FIP1L1: variants seen among roughly 807,000 people sequenced by gnomAD.
FIP1L1 encodes factor interacting with PAPOLA and CPSF1.
FIP1L1 carries 21 observed loss-of-function variants against 84.6 expected under a neutral mutation model. The ratio of observed to expected loss-of-function variants is 0.25; its 90% CI spans 0.18 to 0.36. The LOEUF (loss-of-function observed/expected upper bound fraction) is 0.36. Ranked by LOEUF, FIP1L1 falls within the 10% of genes least tolerant of loss-of-function variation. FIP1L1 has a pLI of 1.00. For missense variants in FIP1L1, 526 were observed against 751.1 expected (o/e 0.70, Z 3.50); for synonymous variants, 263 against 242.3 (o/e 1.09, Z -0.80).
chr4:53,409,221 C>A (rs1324216579), intron 10 of FIP1L1, among the ~76,000 whole-genome samples: 1 of 152,200 alleles, frequency 6.6e-6, no homozygotes, highest in African/African-American at 2.4e-5. Flanking sequence ...ACAGACAGGA[C>A]CCTCAGCTGC....
intron 15 of FIP1L1, among the ~76,000 whole-genome samples, chr4:53,449,631 A>G (rs527928636): frequency 2.8e-4 from 42 of 152,206 alleles, no homozygotes; most frequent in Non-Finnish European, 5.3e-4. Context: ...TATACCAGCC[A>G]GGTGGGATAA....
intron 10 of FIP1L1, among the ~76,000 whole-genome samples, chr4:53,413,926 C>T (rs1001162693): frequency 6.6e-6 from 1 of 152,028 alleles, no homozygotes; most frequent in African/African-American, 2.4e-5. Context: ...CATTTCGTTT[C>T]TGGTTTGTTT....
intron 10 of FIP1L1, among the ~76,000 whole-genome samples, chr4:53,407,541 C>A (rs1410510723): frequency 6.6e-6 from 1 of 151,610 alleles, no homozygotes; most frequent in Non-Finnish European, 1.5e-5. Context: ...TGGTGCAGAG[C>A]TGAGTTCAAG....
chr4:53,438,217 TTAAG>T (rs1770343308), intron 13 of FIP1L1, among the ~76,000 whole-genome samples: 1 of 152,182 alleles, frequency 6.6e-6, no homozygotes, highest in Admixed American at 6.5e-5. Context: ...CTTTCCTTAT[TTAAG>T]TCTGTTGTCT....
chr4:53,443,891 C>A (rs28459503), intron 14 of FIP1L1, among the ~76,000 whole-genome samples, 157 bp from the exon 15 acceptor site: 84,634 of 151,278 alleles, frequency 0.56, 25,537 homozygotes, highest in Non-Finnish European at 0.67. Flanking sequence ...TTAAAAAAAA[C>A]CCCATGTTTT....
chr4:53,410,303 C>G (rs1756506764), intron 10 of FIP1L1, among the ~76,000 whole-genome samples: 1 of 152,236 alleles, frequency 6.6e-6, no homozygotes. Context: ...TGATTTGCTT[C>G]AAATGCCTAA....
At chr4:53,380,885 A>G (rs1343313978) in intron 3 of FIP1L1, among the ~76,000 whole-genome samples, 4 of 152,218 alleles carry the variant, frequency 2.6e-5, no homozygotes, top group Non-Finnish European at 5.9e-5. Context: ...ACTTTTCTAT[A>G]TGATAATCTT....
At chr4:53,410,025 C>G (rs1756308168) in intron 10 of FIP1L1, among the ~76,000 whole-genome samples, 1 of 152,252 alleles carries the variant, frequency 6.6e-6, no homozygotes, top group African/African-American at 2.4e-5. Flanking sequence ...CTGGCACTCC[C>G]TAGTGAGATG....
chr4:53,425,953 C>T lies in FIP1L1; in HGVS notation c.1005C>T (p.Asn335=). ...RVEGRRRANE[N]SNIQVLSERS... is the part of the protein sequence containing the mutation. ...AAGGCAGGCGACGGGCAAATGAGAA[C>T]AGCAACATACAGGTTTAGTATTTTA... Residue 335 remains asparagine, a synonymous_variant, in exon 12 of 18, where the codon AAC becomes AAT. Coordinates refer to ENST00000337488, the MANE Select transcript of FIP1L1 (RefSeq NM_030917.4). The T allele has an allele frequency of 6.2e-7, 1 of 1,608,744 alleles. No individual in the cohort carries two copies. Among genetic ancestry groups the T allele is most frequent in the Non-Finnish European group, 8.5e-7 (1 of 1,175,896 alleles).
intron 15 of FIP1L1, among the ~76,000 whole-genome samples, chr4:53,445,744 TAGAG>T (rs922269347): frequency 1.5e-4 from 23 of 152,252 alleles, no homozygotes; most frequent in Admixed American, 5.9e-4. Context: ...TCCTTTCTGG[TAGAG>T]AGAGGAGGAA....
intron 5 of FIP1L1, among the ~76,000 whole-genome samples, chr4:53,388,827 G>T (rs184427788): frequency 6.6e-6 from 1 of 152,032 alleles, no homozygotes; most frequent in African/African-American, 2.4e-5. Flanking sequence ...TGTATACAAG[G>T]CTCATTTATA....
At chr4:53,418,272 A>G (rs1158250934) in intron 11 of FIP1L1, among the ~76,000 whole-genome samples, 2 of 150,738 alleles carry the variant, frequency 1.3e-5, no homozygotes, top group Non-Finnish European at 1.5e-5. Flanking sequence ...ATGGAGCCCA[A>G]CCTGGTCTCT....
chr4:53,443,966 C>A, intron 14 of FIP1L1, 82 bp from the exon 15 acceptor site: 1 of 855,696 alleles, frequency 1.2e-6, no homozygotes, highest in Non-Finnish European at 1.8e-6. Flanking sequence ...GTAATTTTGC[C>A]TTGTTTTTCC....
chr4:53,446,160 C>A (rs1448297793), intron 15 of FIP1L1, among the ~76,000 whole-genome samples: 1 of 151,672 alleles, frequency 6.6e-6, no homozygotes, highest in Non-Finnish European at 1.5e-5. Flanking sequence ...TTTATGTTGA[C>A]TTACTTGTTT....
chr4:53,404,022 T>A (rs952853410), intron 10 of FIP1L1, among the ~76,000 whole-genome samples: 34 of 146,928 alleles, frequency 2.3e-4, no homozygotes, highest in African/African-American at 7.8e-4. Flanking sequence ...TTTTTTTTTT[T>A]ATTATACTTT....
At chr4:53,395,572 A>C (rs2149438005) in intron 9 of FIP1L1, among the ~76,000 whole-genome samples, 1 of 152,338 alleles carries the variant, frequency 6.6e-6, no homozygotes, top group African/African-American at 2.4e-5. Flanking sequence ...TTAAATAATC[A>C]TGCTAAAGAT....
intron 16 of FIP1L1, among the ~76,000 whole-genome samples, chr4:53,454,880 C>G (rs1295622316): frequency 6.6e-6 from 1 of 152,168 alleles, no homozygotes; most frequent in Admixed American, 6.6e-5. Context: ...GCTATTTGGT[C>G]TACATTAAAA....
At position 53,414,705 on chromosome 4, in the gene FIP1L1, C is replaced by T. The variant is rs1758681694; in HGVS notation, c.906C>T (p.Ala302=). ...VGKWQDRYGR[A]ESPDLRRLPG... ...AGTGGCAGGATCGATATGGGAGGGCCGAATCACCTGATCTAAGGTAAGGCT... is the reference window on the plus strand; with the variant it reads ...AGTGGCAGGATCGATATGGGAGGGCTGAATCACCTGATCTAAGGTAAGGCT... Residue 302 remains alanine, a synonymous_variant, in exon 11 of 18, where the codon GCC becomes GCT. Coordinates refer to ENST00000337488, the MANE Select transcript of FIP1L1 (RefSeq NM_030917.4). 9 of 1,611,348 alleles carry T rather than the reference C, an allele frequency of 5.6e-6. No individual in the cohort carries two copies. Among genetic ancestry groups the T allele is most frequent in the South Asian group, 4.4e-5 (4 of 90,916 alleles).
intron 8 of FIP1L1, 34 bp from the exon 9 acceptor site, chr4:53,391,396 G>A (rs1259377804): frequency 1.3e-6 from 2 of 1,549,258 alleles, no homozygotes; most frequent in Middle Eastern, 1.7e-4. Flanking sequence ...AATATTATGT[G>A]GTATCTTAAT....
Sources: allele counts gnomAD v4.1 joint callset (sites outside exome capture counted in the v4.1 genomes callset), GRCh38; gene constraint gnomAD v4.1.1; transcripts MANE v1.5; gene names NCBI Gene and HGNC (gene_info 2026-07-23, HGNC 2026-07-21).